Variants in ZNF703 observed in about 807,000 individuals in gnomAD.
The protein encoded by ZNF703 is NocA-like zinc finger 1.
In ZNF703, 18 loss-of-function variants were observed where a neutral mutation model predicts 30.7. The observed-to-expected ratio is 0.59, with a 90% CI of 0.40 to 0.87. The LOEUF is 0.87. Ranked by LOEUF, ZNF703 falls within the 40% of genes least tolerant of loss-of-function variation. ZNF703 has a pLI of 0.00. For missense variants in ZNF703, 814 were observed against 847.8 expected, an observed-to-expected ratio of 0.96 and a Z score of 0.50; for synonymous variants, 457 against 438.6, an observed-to-expected ratio of 1.04 and a Z score of -0.52.
rs894146634 is a variant in ZNF703, at chr8:37,696,692, T to A, written c.244-453T>A. Among the ~76,000 whole-genome samples, 1 of 151,862 alleles carries A rather than the reference T, an allele frequency of 6.6e-6. No homozygotes were observed. Among genetic ancestry groups the A allele is most frequent in the African/African-American group, 2.4e-5 (1 of 41,350 alleles). ...CTTCCTGCCTCTTCCCTGGGTGCCC[T>A]CCCCGGGAGGGAGGGGCTACGGAGA... On this transcript the variant is annotated intron_variant, in intron 1 of 1. Transcript: ENST00000331569. The surrounding 1 kb of genome is among the most constrained non-coding windows in gnomAD (Gnocchi z 8.2).
In ZNF703 at chr8:37,697,627, G is replaced by A. The variant is rs1802094567; in HGVS notation, c.726G>A (p.Leu242=). 1 of 1,410,794 alleles carries A rather than the reference G, an allele frequency of 7.1e-7. No homozygotes were observed. The allele number at this position is 1,410,794 out of a possible 1,614,324, so 87.4% of individuals were successfully genotyped here. Residue 242 remains leucine, a synonymous_variant, in exon 2 of 2, where the codon CTG becomes CTA. Transcript: ENST00000331569. Reference sequence around the variant, plus strand: ...GCGGCGGGGTTGGCGGCGGGGAGCTGGACAAGAAAGACCAGGAGCCCAAGC... The same window carrying A: ...GCGGCGGGGTTGGCGGCGGGGAGCTAGACAAGAAAGACCAGGAGCCCAAGC... The part of the protein sequence containing the change: ...KNGGGVGGGE[L]DKKDQEPKPS...
Position 37,698,493 on chromosome 8 carries a change from C to A in ZNF703, c.1592C>A (p.Ser531Ter). ...CCCGCCGCCCCCGGCAGCCCCGGGT[C>A]GCTGTCCTTGCGGAATCCACACACT... ...PPPAAPGSPG[S>*]LSLRNPHTLG... The change falls in exon 2 of 2, where the codon TCG (serine) becomes TAG (stop). Residue 531 changes from serine to a stop codon, truncating the protein, a stop_gained. Coordinates refer to ENST00000331569, the MANE Select transcript of ZNF703 (RefSeq NM_025069.3). LOFTEE classifies it high-confidence loss of function. 6.4e-7 allele frequency: 1 copy of A among 1,551,152 alleles called. No individual in the cohort carries two copies. Among genetic ancestry groups the A allele is most frequent in the Non-Finnish European group, 8.7e-7 (1 of 1,153,338 alleles).
At position 37,696,198 on chromosome 8, in the gene ZNF703, C is replaced by T. The variant is rs766710097; in HGVS notation, c.219C>T (p.Ser73=). The part of the protein sequence containing the change: ...LLHPEYLQPL[S]STPVSPIELD... ...ACCCGGAGTACCTGCAGCCGCTGTC[C>T]TCCACTCCCGTCAGCCCCATTGAGG... Residue 73 remains serine (S), a synonymous_variant, in exon 1 of 2, where the codon TCC becomes TCT. Coordinates refer to ENST00000331569, the MANE Select transcript of ZNF703 (RefSeq NM_025069.3). This position sits in a 1 kb window ranked among gnomAD's most constrained non-coding sequence, Gnocchi z 8.2. 28 of 1,610,978 alleles carry T rather than the reference C, an allele frequency of 1.7e-5. No homozygotes were observed. The highest frequency in any genetic ancestry group is 2.0e-5 in the Non-Finnish European group (23 of 1,179,086).
In ZNF703 at chr8:37,696,288, C is replaced by A; in HGVS notation, c.243+66C>A. 2 of 1,489,436 alleles carry A rather than the reference C, an allele frequency of 1.3e-6. No individual in the cohort carries two copies. The highest frequency in any genetic ancestry group is 1.4e-5 in the African/African-American group (1 of 69,272). 92.3% of individuals were successfully genotyped at this position (1,489,436 alleles called of 1,614,324 possible). ...CTCCCACCGCGACCGGGACCCTGAC[C>A]CAGCTCCCAGCGCCCCGGGGCTCGG... On this transcript the variant is annotated intron_variant, in intron 1 of 1. Transcript: ENST00000331569. This position sits in a 1 kb window ranked among gnomAD's most constrained non-coding sequence, Gnocchi z 8.2.
At position 37,697,999 on chromosome 8, in the gene ZNF703, C is replaced by T. The variant is rs1390913237; in HGVS notation, c.1098C>T (p.Ala366=). 6.4e-7 allele frequency: 1 copy of T among 1,559,910 alleles called. No homozygotes were observed. Among genetic ancestry groups the T allele is most frequent in the Non-Finnish European group, 8.6e-7 (1 of 1,158,936 alleles). ...CCAGCTCCAGCCCGCTCACCGGGGCCTCCCCGCCCTCCTTCCTGCAGGGAT... is the reference window on the plus strand; with the variant it reads ...CCAGCTCCAGCCCGCTCACCGGGGCTTCCCCGCCCTCCTTCCTGCAGGGAT... ...KPPSSSPLTG[A]SPPSFLQGLC... Residue 366 remains alanine (A), a synonymous_variant, in exon 2 of 2, where the codon GCC becomes GCT. Coordinates refer to ENST00000331569, the MANE Select transcript of ZNF703 (RefSeq NM_025069.3).
rs1802124259 is a variant in ZNF703, at chr8:37,698,978, C to G, written c.*304C>G. ...CCCCTGTTCCTTTCTGTTATTTTTT[C>G]TTAGATATAAGTTTTACATTTTTTA... On this transcript the variant is annotated 3_prime_UTR_variant, in exon 2 of 2. Transcript: ENST00000331569. 3.2e-6 allele frequency: 1 copy of G among 312,832 alleles called. No homozygotes were observed. Among genetic ancestry groups the G allele is most frequent in the Admixed American group, 5.0e-5 (1 of 19,922 alleles). 19.4% of individuals were successfully genotyped at this position (312,832 alleles called of 1,614,324 possible). A position where few individuals can be genotyped will look rare whatever the true frequency, so the allele number is the denominator to read the frequency against.
rs1802086780 is a variant in ZNF703, at chr8:37,697,343, G to A, written c.442G>A (p.Ala148Thr). 6.4e-7 allele frequency: 1 copy of A among 1,559,494 alleles called. No individual in the cohort carries two copies. Among genetic ancestry groups the A allele is most frequent in the Non-Finnish European group, 8.7e-7 (1 of 1,153,804 alleles). ...AALKQLGDSP[A>T]EDKSSFKPYS... is the part of the protein sequence containing the mutation. ...CCTGAAGCAGCTGGGGGACTCACCG[G>A]CCGAGGACAAGTCCAGCTTCAAGCC... The change falls in exon 2 of 2, where the codon GCC (alanine) becomes ACC (threonine). Residue 148 changes from alanine (A) to threonine (T), a missense_variant. Transcript: ENST00000331569.
Position 37,697,520 on chromosome 8 carries a change from G to A in ZNF703, c.619G>A (p.Ala207Thr), listed in dbSNP as rs1406152014. The change falls in exon 2 of 2, where the codon GCG (alanine) becomes ACG (threonine). Residue 207 changes from alanine to threonine, a missense_variant. Coordinates refer to ENST00000331569, the MANE Select transcript of ZNF703 (RefSeq NM_025069.3). ...AACPPFPPHGAPVSASSSSSS... is the reference protein window; with the variant it reads ...AACPPFPPHGTPVSASSSSSS... ...CTGCCCGCCCTTTCCCCCGCATGGA[G>A]CGCCGGTCTCCGCATCCTCGTCCTC... 6.6e-7 allele frequency: 1 copy of A among 1,515,002 alleles called. No homozygotes were observed. Among genetic ancestry groups the A allele is most frequent in the Non-Finnish European group, 8.8e-7 (1 of 1,136,822 alleles). The allele number at this position is 1,515,002 out of a possible 1,614,324, so 93.8% of individuals were successfully genotyped here. A position where few individuals can be genotyped will look rare whatever the true frequency, so the allele number is the denominator to read the frequency against.
In ZNF703 at chr8:37,696,623, G is replaced by C. The variant is rs1802072000; in HGVS notation, c.243+401G>C. On this transcript the variant is annotated intron_variant, in intron 1 of 1. Transcript: ENST00000331569. This position sits in a 1 kb window ranked among gnomAD's most constrained non-coding sequence, Gnocchi z 8.2. ...GTCCCACTTCGCCTCTGTCCCATCC[G>C]GTGAGGGCGCACGGCGCCCTGGCGC... 6.6e-6 allele frequency among the ~76,000 whole-genome samples: 1 copy of C among 152,144 alleles called. No individual in the cohort carries two copies. The highest frequency in any genetic ancestry group is 1.5e-5 in the Non-Finnish European group (1 of 68,002).
In ZNF703 at chr8:37,698,811, A is replaced by C. The variant is rs1802121632; in HGVS notation, c.*137A>C. ...TCCCCACCCAGCCCTTCCCCACCGG[A>C]CTGTGTATTTATTTACTATAATGTT... On this transcript the variant is annotated 3_prime_UTR_variant, in exon 2 of 2. Coordinates refer to ENST00000331569, the MANE Select transcript of ZNF703 (RefSeq NM_025069.3). 3.0e-6 allele frequency: 2 copies of C among 675,062 alleles called. No individual in the cohort carries two copies. The highest frequency in any genetic ancestry group is 4.3e-6 in the Non-Finnish European group (2 of 463,460). The allele number at this position is 675,062 out of a possible 1,614,324, so 41.8% of individuals were successfully genotyped here.
In ZNF703 at chr8:37,699,520, C is replaced by T. The variant is rs1802134768; in HGVS notation, c.*846C>T. ...TCTACCGTCACCTTCCAGACTCCCG[C>T]CCCTAACACCCAGTGGCTACAGTGC... On this transcript the variant is annotated 3_prime_UTR_variant, in exon 2 of 2. Coordinates refer to ENST00000331569, the MANE Select transcript of ZNF703 (RefSeq NM_025069.3). The T allele has an allele frequency of 6.6e-6, 1 of 152,348 alleles. No individual in the cohort carries two copies. Among genetic ancestry groups the T allele is most frequent in the Non-Finnish European group, 1.5e-5 (1 of 68,124 alleles). The allele number at this position is 152,348 out of a possible 1,614,324, so 9.4% of individuals were successfully genotyped here.
At position 37,697,770 on chromosome 8, in the gene ZNF703, C is replaced by T; in HGVS notation, c.869C>T (p.Ala290Val). Residue 290 changes from alanine (A) to valine (V), a missense_variant, in exon 2 of 2, where the codon GCC becomes GTC. Transcript: ENST00000331569. ...GAGCCGCCCTCGGCGCTGGTGGGGG[C>T]CGGCCACGTGGCGCCGGTGTCTCCC... ...KSEPPSALVG[A>V]GHVAPVSPYK... 6.7e-7 allele frequency: 1 copy of T among 1,500,598 alleles called. No homozygotes were observed. The highest frequency in any genetic ancestry group is 1.2e-5 in the South Asian group (1 of 80,020). The allele number at this position is 1,500,598 out of a possible 1,614,324, so 93.0% of individuals were successfully genotyped here.
Position 37,696,105 on chromosome 8 carries a change from G to T in ZNF703, c.126G>T (p.Leu42=). 6.2e-7 allele frequency: 1 copy of T among 1,602,328 alleles called. No individual in the cohort carries two copies. Among genetic ancestry groups the T allele is most frequent in the Non-Finnish European group, 8.5e-7 (1 of 1,175,090 alleles). ...CCCTCTTGCCACCGGCGGACCCCCT[G>T]CGCCAGGCGAACCGGCTCCCGATCA... ...AVSLLPPADP[L]RQANRLPIRV... The change falls in exon 1 of 2, where the codon CTG becomes CTT. Residue 42 remains leucine (L), a synonymous_variant. Coordinates refer to ENST00000331569, the MANE Select transcript of ZNF703 (RefSeq NM_025069.3). This position sits in a 1 kb window ranked among gnomAD's most constrained non-coding sequence, Gnocchi z 8.2.
Position 37,698,487 on chromosome 8 carries a change from C to T in ZNF703, c.1586C>T (p.Pro529Leu). Reference protein sequence around the residue: ...HLPPPAAPGSPGSLSLRNPHT... With the variant: ...HLPPPAAPGSLGSLSLRNPHT... ...CCCCCGCCCGCCGCCCCCGGCAGCC[C>T]CGGGTCGCTGTCCTTGCGGAATCCA... Residue 529 changes from proline (P) to leucine (L), a missense_variant, in exon 2 of 2, where the codon CCC becomes CTC. Physicochemically the swap from Pro to Leu is moderately conservative, Grantham distance 98. Coordinates refer to ENST00000331569, the MANE Select transcript of ZNF703 (RefSeq NM_025069.3). The T allele has an allele frequency of 6.5e-7, 1 of 1,543,350 alleles. No individual in the cohort carries two copies. The highest frequency in any genetic ancestry group is 8.7e-7 in the Non-Finnish European group (1 of 1,149,508).
chr8:37,698,075 G>C lies in ZNF703; in HGVS notation c.1174G>C (p.Gly392Arg). 1 of 1,544,014 alleles carries C rather than the reference G, an allele frequency of 6.5e-7. No homozygotes were observed. Among genetic ancestry groups the C allele is most frequent in the Admixed American group, 1.9e-5 (1 of 52,280 alleles). The change falls in exon 2 of 2, where the codon GGC (glycine) becomes CGC (arginine). Residue 392 changes from glycine to arginine, a missense_variant. By Grantham distance (125) the Gly-to-Arg change is moderately radical (BLOSUM62 -2). Coordinates refer to ENST00000331569, the MANE Select transcript of ZNF703 (RefSeq NM_025069.3). The part of the protein sequence containing the change: ...LGGYHGASHL[G>R]GSSCSTCSAH... Reference sequence around the variant, plus strand: ...AGGTTACCACGGCGCCTCGCACCTCGGCGGCTCCAGCTGCTCCACCTGCAG... The same window carrying C: ...AGGTTACCACGGCGCCTCGCACCTCCGCGGCTCCAGCTGCTCCACCTGCAG...
chr8:37,697,680 G>A lies in ZNF703; in HGVS notation c.779G>A (p.Arg260His). The A allele has an allele frequency of 1.5e-6, 2 of 1,329,052 alleles. No individual in the cohort carries two copies. The highest frequency in any genetic ancestry group is 2.2e-5 in the South Asian group (1 of 46,206). 82.3% of individuals were successfully genotyped at this position (1,329,052 alleles called of 1,614,324 possible). The change falls in exon 2 of 2, where the codon CGC (arginine) becomes CAC (histidine). Residue 260 changes from arginine (R) to histidine (H), a missense_variant. Coordinates refer to ENST00000331569, the MANE Select transcript of ZNF703 (RefSeq NM_025069.3). ...KPSPEPAAVS[R>H]GGGGEPGAHG... is the part of the protein sequence containing the mutation. ...AGCCCGGAGCCGGCAGCCGTGAGCC[G>A]CGGCGGCGGTGGGGAGCCCGGGGCG...
In ZNF703 at chr8:37,697,576, C is replaced by A; in HGVS notation, c.675C>A (p.Ser225=). 1 of 1,465,232 alleles carries A rather than the reference C, an allele frequency of 6.8e-7. No individual in the cohort carries two copies. The highest frequency in any genetic ancestry group is 9.0e-7 in the Non-Finnish European group (1 of 1,113,914). 90.8% of individuals were successfully genotyped at this position (1,465,232 alleles called of 1,614,324 possible). The change falls in exon 2 of 2, where the codon TCC becomes TCA. Residue 225 remains serine (S), a synonymous_variant. Transcript: ENST00000331569. The part of the protein sequence containing the change: ...SSSPGGSRGG[S]PHHSDCKNGG... ...CGCCCGGCGGCTCCCGCGGCGGCTC[C>A]CCGCACCACTCTGACTGCAAGAACG...
Position 37,696,349 on chromosome 8 carries a change from G to A in ZNF703, c.243+127G>A. The stretch of plus-strand genomic sequence containing the variant: ...AAGTCTGGTCACGCTGGCGGGCTGA[G>A]TGAGGAGGGGAAGAAAACCGAGGGA... On this transcript the variant is annotated intron_variant, in intron 1 of 1. Coordinates refer to ENST00000331569, the MANE Select transcript of ZNF703 (RefSeq NM_025069.3). The surrounding 1 kb of genome is among the most constrained non-coding windows in gnomAD (Gnocchi z 8.2). 1.4e-6 allele frequency: 2 copies of A among 1,405,384 alleles called. No individual in the cohort carries two copies. The highest frequency in any genetic ancestry group is 1.5e-5 in the South Asian group (1 of 65,068). The allele number at this position is 1,405,384 out of a possible 1,614,324, so 87.1% of individuals were successfully genotyped here.
chr8:37,697,904 G>T lies in ZNF703; in HGVS notation c.1003G>T (p.Asp335Tyr). ...GYPSQFVPGLDPSKSGLVGGQ... is the reference protein window; with the variant it reads ...GYPSQFVPGLYPSKSGLVGGQ... ...CCCGTCTCAGTTCGTGCCTGGCCTGGATCCTAGCAAGTCCGGCCTCGTGGG... is the reference window on the plus strand; with the variant it reads ...CCCGTCTCAGTTCGTGCCTGGCCTGTATCCTAGCAAGTCCGGCCTCGTGGG... Residue 335 changes from aspartate to tyrosine, a missense_variant, in exon 2 of 2, where the codon GAT (aspartate) becomes TAT (tyrosine). Coordinates refer to ENST00000331569, the MANE Select transcript of ZNF703 (RefSeq NM_025069.3). 1 of 1,556,906 alleles carries T rather than the reference G, an allele frequency of 6.4e-7. No homozygotes were observed. Among genetic ancestry groups the T allele is most frequent in the Non-Finnish European group, 8.6e-7 (1 of 1,157,526 alleles).
Sources: gnomAD v4.1 joint callset for allele counts (sites outside exome capture counted in the v4.1 genomes callset) on GRCh38, gnomAD v4.1.1 for gene constraint, Gnocchi (gnomAD v3.1) non-coding constraint, MANE v1.5 for transcripts, NCBI Gene and HGNC (gene_info 2026-07-23, HGNC 2026-07-21) for gene names.